PDCD6IP: variants seen among roughly 807,000 people sequenced by gnomAD.
PDCD6IP encodes programmed cell death 6-interacting protein.
PDCD6IP carries 43 observed loss-of-function variants against 103.7 expected under a neutral mutation model. The ratio of observed to expected loss-of-function variants is 0.41; its 90% CI spans 0.32 to 0.53. The LOEUF is 0.53. Ranked by LOEUF, PDCD6IP falls within the 20% of genes least tolerant of loss-of-function variation. The pLI, the probability that PDCD6IP is intolerant of heterozygous loss-of-function variation, is 0.16. For missense variants in PDCD6IP, 871 were observed against 1,036.7 expected (o/e 0.84, Z 2.20); for synonymous variants, 354 against 378.7 (o/e 0.93, Z 0.76).
intron 2 of PDCD6IP, among the ~76,000 whole-genome samples, chr3:33,812,669 A>C (rs1696746258): frequency 6.6e-6 from 1 of 152,220 alleles, no homozygotes; most frequent in Non-Finnish European, 1.5e-5. Context: ...TTAAATTTTA[A>C]AATAGTTATA....
chr3:33,848,692 C>T lies in PDCD6IP; in HGVS notation c.1641+3104C>T, dbSNP rs1188183320. On this transcript the variant is annotated intron_variant, in intron 12 of 17. Transcript: ENST00000307296. Reference sequence around the variant, plus strand: ...TGCTGGGATTACAGGCGTGAGCTACCGCGCCCGGCCCATTGAGGGCATTTC... The same window carrying T: ...TGCTGGGATTACAGGCGTGAGCTACTGCGCCCGGCCCATTGAGGGCATTTC... 7.9e-5 allele frequency among the ~76,000 whole-genome samples: 12 copies of T among 152,052 alleles called. No individual in the cohort carries two copies. In the East Asian group the frequency reaches 9.6e-4, roughly 12 times the overall value.
chr3:33,841,073 G>A (rs1215969227), intron 9 of PDCD6IP, among the ~76,000 whole-genome samples: 1 of 149,344 alleles, frequency 6.7e-6, no homozygotes, highest in Non-Finnish European at 1.5e-5. Context: ...TGTCGCCCAG[G>A]CTGGAATGCA....
At chr3:33,806,877 C>CA (rs1160780193) in intron 1 of PDCD6IP, among the ~76,000 whole-genome samples, 2 of 152,176 alleles carry the variant, frequency 1.3e-5, no homozygotes, top group African/African-American at 4.8e-5. Context: ...CTGCAGTTAG[C>CA]AATGGCTGCT....
chr3:33,817,298 A>G (rs1696876830), intron 3 of PDCD6IP, among the ~76,000 whole-genome samples: 1 of 152,174 alleles, frequency 6.6e-6, no homozygotes, highest in African/African-American at 2.4e-5. Flanking sequence ...GTGAAAAGTT[A>G]TGTGTGTGAA....
intron 15 of PDCD6IP, among the ~76,000 whole-genome samples, chr3:33,861,311 T>G (rs921789322): frequency 3.4e-4 from 51 of 152,080 alleles, no homozygotes; most frequent in African/African-American, 1.2e-3. Flanking sequence ...GCCCAGCTAA[T>G]TTTTGTATTT....
chr3:33,855,548 A>G (rs1012103335), intron 15 of PDCD6IP, among the ~76,000 whole-genome samples: 3 of 152,202 alleles, frequency 2.0e-5, no homozygotes, highest in Non-Finnish European at 2.9e-5. Flanking sequence ...AATACAAGCA[A>G]TTTATTTTGA....
rs749342804 is a variant in PDCD6IP, at chr3:33,845,575, T to C, written c.1628T>C (p.Met543Thr). 5.0e-6 allele frequency: 8 copies of C among 1,607,582 alleles called. No individual in the cohort carries two copies. The highest frequency in any genetic ancestry group is 1.3e-5 in the African/African-American group (1 of 74,734). Residue 543 changes from methionine (M) to threonine (T), a missense_variant, in exon 12 of 18, where the codon ATG becomes ACG. Physicochemically the swap from Met to Thr is moderately conservative, Grantham distance 81 (BLOSUM62 -1). This residue lies in a region of PDCD6IP where 266 missense variants were observed against 390.5 expected (regional missense o/e 0.68). Coordinates refer to ENST00000307296, the MANE Select transcript of PDCD6IP (RefSeq NM_013374.6). ...AIPSANPAKT[M>T]QGSEVVNVLK... ...CCTTCTGCTAATCCAGCAAAGACCATGCAGGGCAGTGAGGTAAGAAGGACA... is the reference window on the plus strand; with the variant it reads ...CCTTCTGCTAATCCAGCAAAGACCACGCAGGGCAGTGAGGTAAGAAGGACA...
intron 8 of PDCD6IP, among the ~76,000 whole-genome samples, chr3:33,837,590 ATT>A (rs1329273725): frequency 9.2e-5 from 13 of 141,564 alleles, no homozygotes; most frequent in East Asian, 2.0e-4. Context: ...CACTCAGTCA[ATT>A]TTTTTTTTTT....
intron 7 of PDCD6IP, among the ~76,000 whole-genome samples, chr3:33,833,038 AT>A (rs1465617262): frequency 6.6e-6 from 1 of 151,882 alleles, no homozygotes; most frequent in African/African-American, 2.4e-5. Context: ...TGTTTTAGTT[AT>A]TTCTCCTTTC....
chr3:33,798,814 A>G lies in PDCD6IP; in HGVS notation c.86A>G (p.Tyr29Cys). The G allele has an allele frequency of 9.6e-6, 15 of 1,566,656 alleles. No individual in the cohort carries two copies. The highest frequency in any genetic ancestry group is 1.3e-5 in the Non-Finnish European group (15 of 1,155,974). Reference protein sequence around the residue: ...KPLVKFIQQTYPSGGEEQAQY... With the variant: ...KPLVKFIQQTCPSGGEEQAQY... ...CTGGTGAAGTTCATCCAGCAGACTT[A>G]CCCAAGCGGCGGGGAAGAGCAGGCC... Residue 29 changes from tyrosine (Y) to cysteine (C), a missense_variant, in exon 1 of 18, where the codon TAC becomes TGC. Around this residue, in one of 5 missense-constraint regions of PDCD6IP, gnomAD observed 114 missense variants for 106.7 expected, o/e 1.07. Transcript: ENST00000307296.
chr3:33,860,157 T>C (rs1269035382), intron 15 of PDCD6IP, among the ~76,000 whole-genome samples: 1 of 152,210 alleles, frequency 6.6e-6, no homozygotes, highest in African/African-American at 2.4e-5. Context: ...GAAGAAAGAT[T>C]GGAATATCGT....
chr3:33,815,057 G>A (rs1363352290), intron 3 of PDCD6IP, among the ~76,000 whole-genome samples: 1 of 148,148 alleles, frequency 6.8e-6, no homozygotes, highest in Non-Finnish European at 1.5e-5. Flanking sequence ...AGATATAGAT[G>A]TATAATATGT....
chr3:33,840,531 G>A (rs536411754), intron 9 of PDCD6IP, among the ~76,000 whole-genome samples: 2 of 152,304 alleles, frequency 1.3e-5, no homozygotes, highest in African/African-American at 4.8e-5. Context: ...TCTCTAACAA[G>A]AAAGGAATGT....
intron 1 of PDCD6IP, among the ~76,000 whole-genome samples, chr3:33,801,046 A>C (rs1377546493): frequency 6.6e-6 from 1 of 152,188 alleles, no homozygotes; most frequent in African/African-American, 2.4e-5. Flanking sequence ...TCACCTCTGT[A>C]TAATCCCCTC....
At chr3:33,853,294 A>G (rs1697760557) in intron 13 of PDCD6IP, among the ~76,000 whole-genome samples, 1 of 152,156 alleles carries the variant, frequency 6.6e-6, no homozygotes, top group African/African-American at 2.4e-5. Flanking sequence ...GATATTTTTC[A>G]TGGTTCCAAG....
At chr3:33,814,515 A>C (rs1035746027) in intron 3 of PDCD6IP, among the ~76,000 whole-genome samples, 1 of 143,672 alleles carries the variant, frequency 7.0e-6, no homozygotes, top group African/African-American at 2.5e-5. Flanking sequence ...ATGAATAATT[A>C]TATTATTATA....
Position 33,818,145 on chromosome 3 carries a change from C to T in PDCD6IP, c.335-3810C>T, listed in dbSNP as rs182215876. 2.0e-3 allele frequency among the ~76,000 whole-genome samples: 267 copies of T among 133,258 alleles called. 3 individuals carry two copies. Among genetic ancestry groups the T allele is most frequent in the African/African-American group, 7.4e-3 (245 of 32,928 alleles). 87.4% of individuals were successfully genotyped at this position (133,258 alleles called of 152,430 possible). On this transcript the variant is annotated intron_variant, in intron 3 of 17. Coordinates refer to ENST00000307296, the MANE Select transcript of PDCD6IP (RefSeq NM_013374.6). ...TTGGAGAACAGTCTTGCTCTGTTGCCCAGGGTGGATGGAGGGCAGTGGCAT... is the reference window on the plus strand; with the variant it reads ...TTGGAGAACAGTCTTGCTCTGTTGCTCAGGGTGGATGGAGGGCAGTGGCAT...
chr3:33,815,581 T>G (rs1278681981), intron 3 of PDCD6IP, among the ~76,000 whole-genome samples: 2 of 152,026 alleles, frequency 1.3e-5, no homozygotes. Flanking sequence ...TGATGAGAGA[T>G]GATGAGGTTA....
intron 3 of PDCD6IP, among the ~76,000 whole-genome samples, chr3:33,820,582 T>G (rs1696968882): frequency 6.6e-6 from 1 of 152,204 alleles, no homozygotes; most frequent in Non-Finnish European, 1.5e-5. Flanking sequence ...CCACCATCCC[T>G]GATAACCATC....
Sources: gnomAD v4.1 joint callset for allele counts (sites outside exome capture counted in the v4.1 genomes callset) on GRCh38, gnomAD v4.1.1 for gene constraint, gnomAD v4.1.1 regional missense constraint, MANE v1.5 for transcripts, NCBI Gene and HGNC (gene_info 2026-07-23, HGNC 2026-07-21) for gene names.